Variants in ETV5 observed in about 807,000 individuals in gnomAD.
ETV5 encodes the protein ETS translocation variant 5.
ETV5 carries 10 observed loss-of-function variants against 70.0 expected under a neutral mutation model. The ratio of observed to expected loss-of-function variants is 0.14; its 90% CI spans 0.09 to 0.24. The LOEUF is 0.24. Among genes scored for constraint, ETV5 ranks in the 10% least tolerant of loss-of-function variants. The probability of loss-of-function intolerance (pLI) is 1.00; values close to 1 mark genes in which losing one functional copy is unlikely to be tolerated. For missense variants in ETV5, 453 were observed against 651.2 expected (o/e 0.70, Z 3.31); for synonymous variants, 216 against 242.2 (o/e 0.89, Z 1.01).
chr3:186,074,046 C>A (rs1000741904), intron 7 of ETV5, among the ~76,000 whole-genome samples: 3 of 151,600 alleles, frequency 2.0e-5, no homozygotes, highest in Non-Finnish European at 4.4e-5. Context: ...ACAGAAAACA[C>A]CCGAGAGAGA....
At chr3:186,088,666 A>G (rs900748137) in intron 5 of ETV5, among the ~76,000 whole-genome samples, 2 of 152,224 alleles carry the variant, frequency 1.3e-5, no homozygotes, top group African/African-American at 4.8e-5. Flanking sequence ...GAAGAGGGAC[A>G]TGGAAAAATA....
chr3:186,107,134 G>A (rs1714607614), intron 1 of ETV5, among the ~76,000 whole-genome samples: 1 of 152,122 alleles, frequency 6.6e-6, no homozygotes, highest in Non-Finnish European at 1.5e-5. Context: ...AGCATCCTCC[G>A]CAGCACTTTG....
intron 9 of ETV5, among the ~76,000 whole-genome samples, chr3:186,058,411 G>A (rs576786877): frequency 6.6e-6 from 1 of 152,300 alleles, no homozygotes; most frequent in East Asian, 1.9e-4. Context: ...CACGTCTTAG[G>A]AGAATGCCCC....
intron 5 of ETV5, among the ~76,000 whole-genome samples, chr3:186,087,422 G>A (rs188686973): frequency 2.3e-3 from 349 of 152,208 alleles, no homozygotes; most frequent in African/African-American, 7.8e-3. Flanking sequence ...TGCTTATACC[G>A]TTTGTAAGAA....
chr3:186,058,838 A>C (rs1713231766), intron 9 of ETV5, among the ~76,000 whole-genome samples: 1 of 151,844 alleles, frequency 6.6e-6, no homozygotes, highest in Non-Finnish European at 1.5e-5. Flanking sequence ...ACATGGTGAA[A>C]CCATCTCTAC....
chr3:186,092,502 T>C (rs1714204864), intron 5 of ETV5, among the ~76,000 whole-genome samples: 1 of 152,160 alleles, frequency 6.6e-6, no homozygotes, highest in Non-Finnish European at 1.5e-5. Flanking sequence ...GGCGCAATCA[T>C]AGCTCACTGT....
rs754448311 is a variant in ETV5, at chr3:186,052,160, G to A, written c.1210-29C>T. 10 of 1,602,770 alleles carry A rather than the reference G, an allele frequency of 6.2e-6. No individual in the cohort carries two copies. The Admixed American group carries it at 1.5e-4, about 24-fold the overall frequency. ...AAGAGACAGGAAAGTGAAGAGCAAT[G>A]GAAACGCATTCCCTGGGCCCCATGT... is the stretch of plus-strand genomic sequence containing the variant. On this transcript the variant is annotated intron_variant, in intron 11 of 12. Coordinates refer to ENST00000306376, the MANE Select transcript of ETV5 (RefSeq NM_004454.3). The surrounding 1 kb of genome is among the most constrained non-coding windows in gnomAD (Gnocchi z 4.5).
intron 5 of ETV5, among the ~76,000 whole-genome samples, chr3:186,093,984 A>G (rs1714247155): frequency 1.3e-5 from 2 of 152,212 alleles, no homozygotes; most frequent in South Asian, 2.1e-4. Context: ...AGAGTCATCA[A>G]AGGTGACCTA....
intron 7 of ETV5, among the ~76,000 whole-genome samples, chr3:186,075,137 C>G (rs76078136): frequency 0.068 from 10,354 of 152,038 alleles, 1,222 homozygotes; most frequent in East Asian, 0.54. Flanking sequence ...AAAAACAAAC[C>G]CTCTTAAGAC....
chr3:186,080,451 C>T (rs950855204), intron 6 of ETV5: 9 of 244,612 alleles, frequency 3.7e-5, no homozygotes, highest in African/African-American at 1.8e-4. Flanking sequence ...CTCTGGTCCC[C>T]TCTCCCAACT....
In ETV5 at chr3:186,074,859, C is replaced by CAAA. The variant is rs747453303; in HGVS notation, c.650+4955_650+4957dup. ...CTGGGCGACAGTTAGACTCTGTCTC[C>CAAA]AAAAAAAAAAAAAAAAAAAAAAAGA... On this transcript the variant is annotated intron_variant, in intron 7 of 12. Coordinates refer to ENST00000306376, the MANE Select transcript of ETV5 (RefSeq NM_004454.3). Among the ~76,000 whole-genome samples the CAAA allele has an allele frequency of 8.0e-4, 61 of 76,342 alleles. 1 individual carries two copies. Among genetic ancestry groups the CAAA allele is most frequent in the East Asian group, 2.0e-3 (6 of 3,068 alleles). 50.1% of individuals were successfully genotyped at this position (76,342 alleles called of 152,430 possible).
chr3:186,098,745 A>G (rs1291494229), intron 5 of ETV5, among the ~76,000 whole-genome samples: 1 of 152,234 alleles, frequency 6.6e-6, no homozygotes, highest in African/African-American at 2.4e-5. Flanking sequence ...AAGGAAAAGC[A>G]TACTTCTTTA....
In ETV5 at chr3:186,048,656, C is replaced by T. The variant is rs377733507; in HGVS notation, c.1516G>A (p.Glu506Lys). Reference sequence around the variant, plus strand: ...TCAGAAACTTAGTAAGCAAAGCCTTCGGCATAGGGGAGGCTGCTGCAGCGG... The same window carrying T: ...TCAGAAACTTAGTAAGCAAAGCCTTTGGCATAGGGGAGGCTGCTGCAGCGG... ...MDRCSSLPYA[E>K]GFAY The change falls in exon 13 of 13, where the codon GAA (glutamate) becomes AAA (lysine). Residue 506 changes from glutamate to lysine, a missense_variant. Coordinates refer to ENST00000306376, the MANE Select transcript of ETV5 (RefSeq NM_004454.3). 9.3e-6 allele frequency: 15 copies of T among 1,614,012 alleles called. No individual in the cohort carries two copies. The highest frequency in any genetic ancestry group is 3.3e-4 in the Middle Eastern group (2 of 6,084).
chr3:186,105,250 G>T lies in ETV5; in HGVS notation c.232+55C>A. On this transcript the variant is annotated intron_variant, in intron 5 of 12. Transcript: ENST00000306376. The surrounding 1 kb of genome is among the most constrained non-coding windows in gnomAD (Gnocchi z 4.5). ...AAAAAAGCATATTCTAGACATGGAT[G>T]ATCTAAGACCAAACAATTTCAGAAC... The T allele has an allele frequency of 6.8e-7, 1 of 1,478,466 alleles. No individual in the cohort carries two copies. The highest frequency in any genetic ancestry group is 9.3e-7 in the Non-Finnish European group (1 of 1,072,594). 91.6% of individuals were successfully genotyped at this position (1,478,466 alleles called of 1,614,324 possible).
intron 7 of ETV5, among the ~76,000 whole-genome samples, chr3:186,074,095 T>G (rs1266964311): frequency 6.6e-6 from 1 of 152,090 alleles, no homozygotes; most frequent in Non-Finnish European, 1.5e-5. Context: ...AAGACAATAT[T>G]GTCTGCCAAG....
chr3:186,053,719 CT>C (rs1355111505), intron 11 of ETV5, among the ~76,000 whole-genome samples: 1 of 152,198 alleles, frequency 6.6e-6, no homozygotes, highest in Non-Finnish European at 1.5e-5. Context: ...GGTACCCACT[CT>C]ACTCTACCTT....
chr3:186,088,697 G>C (rs955921270), intron 5 of ETV5, among the ~76,000 whole-genome samples: 1 of 152,132 alleles, frequency 6.6e-6, no homozygotes, highest in African/African-American at 2.4e-5. Context: ...TGGCAAAACA[G>C]AACCGAAAAA....
At chr3:186,096,254 T>C (rs942419570) in intron 5 of ETV5, among the ~76,000 whole-genome samples, 2 of 152,102 alleles carry the variant, frequency 1.3e-5, no homozygotes, top group Non-Finnish European at 2.9e-5. Context: ...TCAATTATTC[T>C]CTATTAAAAT....
chr3:186,077,155 G>A (rs1176643389), intron 7 of ETV5, among the ~76,000 whole-genome samples: 1 of 152,146 alleles, frequency 6.6e-6, no homozygotes, highest in Admixed American at 6.5e-5. Flanking sequence ...ATGTCACAGG[G>A]CGGTTAAAAG....
Sources: allele counts gnomAD v4.1 joint callset (sites outside exome capture counted in the v4.1 genomes callset), GRCh38; gene constraint gnomAD v4.1.1; non-coding constraint Gnocchi (gnomAD v3.1); transcripts MANE v1.5; gene names NCBI Gene and HGNC (gene_info 2026-07-23, HGNC 2026-07-21).